Variants in KCNN2 observed in about 807,000 individuals in gnomAD.
KCNN2 encodes the protein potassium calcium-activated channel subfamily N member 2, also known as small conductance calcium-activated potassium channel protein 2.
KCNN2 carries 24 observed loss-of-function variants against 55.5 expected under a neutral mutation model. The ratio of observed to expected loss-of-function variants is 0.43; its 90% CI spans 0.31 to 0.61. The LOEUF is 0.61. KCNN2 is among the 20% of genes least tolerant of loss of function. The pLI is 0.08. For missense variants in KCNN2, 754 were observed against 853.6 expected (o/e 0.88, Z 1.45); for synonymous variants, 431 against 336.1 (o/e 1.28, Z -3.09).
chr5:114,362,790 G>A lies in KCNN2; in HGVS notation c.651G>A (p.Arg217=). ...CCGAAATAGCCATGAGCAGCTGCAGGTACAACGGGGGCGTCATGCGGCCGC... is the reference window on the plus strand; with the variant it reads ...CCGAAATAGCCATGAGCAGCTGCAGATACAACGGGGGCGTCATGCGGCCGC... ...PFTEIAMSSC[R]YNGGVMRPLS... is the part of the protein sequence containing the mutation. The change falls in exon 1 of 8, where the codon AGG becomes AGA. Residue 217 remains arginine (R), a synonymous_variant. Coordinates refer to ENST00000673685, the MANE Select transcript of KCNN2 (RefSeq NM_021614.4). 3 of 1,594,002 alleles carry A rather than the reference G, an allele frequency of 1.9e-6. No individual in the cohort carries two copies. The highest frequency in any genetic ancestry group is 2.6e-6 in the Non-Finnish European group (3 of 1,175,530).
At chr5:114,097,186 T>A (rs1751275127) in intron 1 of KCNN2, among the ~76,000 whole-genome samples, 1 of 152,216 alleles carries the variant, frequency 6.6e-6, no homozygotes, top group Non-Finnish European at 1.5e-5. Flanking sequence ...GTTCTTTTTC[T>A]TGTAGGTGAC....
intron 1 of KCNN2, among the ~76,000 whole-genome samples, chr5:114,135,104 A>C (rs1005233877): frequency 3.9e-5 from 6 of 152,138 alleles, no homozygotes; most frequent in Non-Finnish European, 7.3e-5. Flanking sequence ...TAAGACAAGG[A>C]GTGTAGATCT....
intron 1 of KCNN2, 51 bp downstream of exon 1, chr5:114,363,312 T>A (rs1380705225): frequency 1.6e-5 from 24 of 1,509,198 alleles, no homozygotes; most frequent in Non-Finnish European, 2.0e-5. Context: ...ACTGGGTGGT[T>A]GGGATGGGCA....
chr5:114,469,761 C>T (rs1479872333), intron 4 of KCNN2, among the ~76,000 whole-genome samples: 2 of 152,170 alleles, frequency 1.3e-5, no homozygotes, highest in South Asian at 2.1e-4. Context: ...CAGGAATTTA[C>T]CTTGAACCTA....
intron 2 of KCNN2, among the ~76,000 whole-genome samples, chr5:114,340,584 A>G (rs1042641950): frequency 3.3e-5 from 5 of 152,192 alleles, no homozygotes; most frequent in Admixed American, 1.3e-4. Flanking sequence ...ATATTTTGAC[A>G]TATGTATACA....
intron 1 of KCNN2, among the ~76,000 whole-genome samples, chr5:114,143,538 T>G (rs1315461205): frequency 1.3e-5 from 2 of 152,144 alleles, no homozygotes; most frequent in South Asian, 2.1e-4. Flanking sequence ...TATGAACAGG[T>G]GCCCCTCGTG....
At chr5:114,219,683 A>G (rs1754091472) in intron 1 of KCNN2, among the ~76,000 whole-genome samples, 1 of 152,108 alleles carries the variant, frequency 6.6e-6, no homozygotes, top group Non-Finnish European at 1.5e-5. Context: ...AATCAGGGAT[A>G]TAAGTTCTCA....
chr5:114,432,691 C>T (rs979300878), intron 3 of KCNN2, among the ~76,000 whole-genome samples: 8 of 152,168 alleles, frequency 5.3e-5, no homozygotes, highest in East Asian at 1.9e-4. Context: ...GGGAGAGGCG[C>T]GAGCGGGAAC....
intron 2 of KCNN2, among the ~76,000 whole-genome samples, chr5:114,278,826 G>A (rs961571029): frequency 6.6e-6 from 1 of 152,168 alleles, no homozygotes; most frequent in Non-Finnish European, 1.5e-5. Context: ...TGTGCTTCCC[G>A]GGTGAGGCAA....
chr5:114,369,279 A>T (rs1193669678), intron 2 of KCNN2, among the ~76,000 whole-genome samples: 1 of 152,218 alleles, frequency 6.6e-6, no homozygotes, highest in African/African-American at 2.4e-5. Flanking sequence ...TTGTTTAAAG[A>T]CAAAGCTCAA....
intron 2 of KCNN2, among the ~76,000 whole-genome samples, chr5:114,341,336 G>C (rs77749945): frequency 0.011 from 1,616 of 152,292 alleles, 31 homozygotes; most frequent in African/African-American, 0.038. Flanking sequence ...CAGGAGTTCA[G>C]TTCTGGAAGT....
chr5:114,434,744 T>C (rs1320141754), intron 3 of KCNN2, among the ~76,000 whole-genome samples: 1 of 152,150 alleles, frequency 6.6e-6, no homozygotes, highest in African/African-American at 2.4e-5. Flanking sequence ...CAGGTTTTTT[T>C]CCTCTCCCAT....
Position 114,221,797 on chromosome 5 carries a change from C to T in KCNN2, c.-185+232C>T, listed in dbSNP as rs371602543. On this transcript the variant is annotated intron_variant, in intron 2 of 10. Coordinates refer to the KCNN2 transcript ENST00000512097. Reference sequence around the variant, plus strand: ...ATAATAGGCACACAAAAATATTTCTCCAGTAAACAAATGTATTTTCATTTG... The same window carrying T: ...ATAATAGGCACACAAAAATATTTCTTCAGTAAACAAATGTATTTTCATTTG... 1.6e-4 allele frequency among the ~76,000 whole-genome samples: 24 copies of T among 152,240 alleles called. No homozygotes were observed. In the East Asian group the frequency reaches 1.7e-3, roughly 11 times the overall value.
At chr5:114,164,242 T>G (rs371883846) in intron 1 of KCNN2, among the ~76,000 whole-genome samples, 13 of 152,312 alleles carry the variant, frequency 8.5e-5, no homozygotes, top group Middle Eastern at 3.4e-3. Flanking sequence ...CTATTTTTAA[T>G]GTGCATTAGG....
chr5:114,365,094 TA>T (rs1482298463), intron 2 of KCNN2, among the ~76,000 whole-genome samples: 1 of 152,094 alleles, frequency 6.6e-6, no homozygotes, highest in Non-Finnish European at 1.5e-5. Flanking sequence ...AAACACAAAG[TA>T]AATATGGAAG....
chr5:114,344,791 A>T (rs257470), intron 2 of KCNN2, among the ~76,000 whole-genome samples: 115,798 of 152,170 alleles, frequency 0.76, 44,302 homozygotes, highest in East Asian at 0.97. Flanking sequence ...AATTCTTTAC[A>T]ACACATGAAG....
intron 2 of KCNN2, among the ~76,000 whole-genome samples, chr5:114,332,928 G>C (rs1236337455): frequency 1.3e-5 from 2 of 152,146 alleles, no homozygotes; most frequent in Admixed American, 1.3e-4. Flanking sequence ...CTCAATGTCA[G>C]ATTCACCTAA....
In KCNN2 at chr5:114,362,831, C is replaced by A; in HGVS notation, c.692C>A (p.Ala231Glu). ...ATGCGGCCGCTCAGCAACTTGAGCG[C>A]GTCCCGCCGGAACCTGCACGAGATG... ...GVMRPLSNLS[A>E]SRRNLHEMDS... Residue 231 changes from alanine to glutamate, a missense_variant, in exon 1 of 8, where the codon GCG (alanine) becomes GAG (glutamate). Around this residue, in one of 4 missense-constraint regions of KCNN2, gnomAD observed 381 missense variants for 259.1 expected, o/e 1.47. Coordinates refer to ENST00000673685, the MANE Select transcript of KCNN2 (RefSeq NM_021614.4). 1.3e-6 allele frequency: 2 copies of A among 1,599,538 alleles called. No individual in the cohort carries two copies. Among genetic ancestry groups the A allele is most frequent in the Non-Finnish European group, 8.5e-7 (1 of 1,178,380 alleles).
intron 1 of KCNN2, among the ~76,000 whole-genome samples, chr5:114,183,357 G>T (rs1189689636): frequency 6.6e-6 from 1 of 151,924 alleles, no homozygotes; most frequent in Non-Finnish European, 1.5e-5. Context: ...TTGGGATTAT[G>T]CTGCCTTCAT....
Sources: gnomAD v4.1 joint callset for allele counts (sites outside exome capture counted in the v4.1 genomes callset) on GRCh38, gnomAD v4.1.1 for gene constraint, gnomAD v4.1.1 regional missense constraint, MANE v1.5 for transcripts, NCBI Gene and HGNC (gene_info 2026-07-23, HGNC 2026-07-21) for gene names.